Variants in GRHL1 observed in about 807,000 individuals in gnomAD.
The protein encoded by GRHL1 is grainyhead-like protein 1 homolog.
Under a neutral mutation model 75.7 loss-of-function variants are expected in GRHL1, and 38 were observed. The observed-to-expected ratio is 0.50, with a 90% CI of 0.39 to 0.66. The LOEUF is 0.66. Ranked by LOEUF, GRHL1 falls within the 30% of genes least tolerant of loss-of-function variation. The pLI is 0.00. For missense variants in GRHL1, 589 were observed against 767.5 expected, an observed-to-expected ratio of 0.77 and a Z score of 2.75; for synonymous variants, 266 against 279.4, an observed-to-expected ratio of 0.95 and a Z score of 0.48.
chr2:9,962,505 G>A lies in GRHL1; in HGVS notation c.720G>A (p.Glu240=), dbSNP rs745763540. Reference sequence around the variant, plus strand: ...TGCGGATGCCTGGCATGAATTCAGAGGACTATGTTTTTGACAGTGTTTCTG... The same window carrying A: ...TGCGGATGCCTGGCATGAATTCAGAAGACTATGTTTTTGACAGTGTTTCTG... ...LSLRMPGMNS[E]DYVFDSVSGN... The change falls in exon 5 of 16, where the codon GAG becomes GAA. Residue 240 remains glutamate (E), a synonymous_variant. Transcript: ENST00000324907. 1 of 1,597,088 alleles carries A rather than the reference G, an allele frequency of 6.3e-7. No individual in the cohort carries two copies. Among genetic ancestry groups the A allele is most frequent in the Non-Finnish European group, 8.6e-7 (1 of 1,164,542 alleles).
intron 8 of GRHL1, among the ~76,000 whole-genome samples, chr2:9,971,333 G>A (rs565787039): frequency 7.2e-5 from 11 of 152,240 alleles, no homozygotes; most frequent in African/African-American, 1.2e-4. Context: ...AGGAAGGAGC[G>A]GGGAGAGAAG....
chr2:9,983,453 A>G (rs1668283285), intron 8 of GRHL1, among the ~76,000 whole-genome samples: 1 of 152,204 alleles, frequency 6.6e-6, no homozygotes, highest in Admixed American at 6.5e-5. Flanking sequence ...AATGCACACC[A>G]GCATGGGCAA....
In GRHL1 at chr2:9,998,424, ATGTG is replaced by A. The variant is rs373392159; in HGVS notation, c.1678-519_1678-516del. On this transcript the variant is annotated intron_variant, in intron 14 of 15. Transcript: ENST00000324907. Reference sequence around the variant, plus strand: ...AAAACAAAAAGTCGAGTGACTATGCATGTGTGTGTGTGTGTGTGTGTGTGTATAT... The same window carrying A: ...AAAACAAAAAGTCGAGTGACTATGCATGTGTGTGTGTGTGTGTGTGTATAT... Among the ~76,000 whole-genome samples the A allele has an allele frequency of 8.7e-5, 3 of 34,450 alleles. 1 individual carries two copies. Among genetic ancestry groups the A allele is most frequent in the Admixed American group, 7.4e-4 (2 of 2,698 alleles). The allele number at this position is 34,450 out of a possible 152,430, so 22.6% of individuals were successfully genotyped here. A position where few individuals can be genotyped will look rare whatever the true frequency, so the allele number is the denominator to read the frequency against.
Position 9,958,899 on chromosome 2 carries a change from T to C in GRHL1, c.278+43T>C. On this transcript the variant is annotated intron_variant, in intron 3 of 15. Coordinates refer to ENST00000324907, the MANE Select transcript of GRHL1 (RefSeq NM_198182.3). ...ACAGCATAAAGAGTGCAGGGGGAAA[T>C]GCCACGTTTCTGTAACAGCAAAATG... The C allele has an allele frequency of 3.7e-6, 6 of 1,600,608 alleles. No individual in the cohort carries two copies. The South Asian group carries it at 6.8e-5, about 18-fold the overall frequency.
At chr2:9,954,642 G>A (rs1666932888) in intron 1 of GRHL1, among the ~76,000 whole-genome samples, 1 of 152,152 alleles carries the variant, frequency 6.6e-6, no homozygotes. Flanking sequence ...TCTCGGGGAT[G>A]GTTTTGTTTC....
chr2:9,999,280 C>T (rs1270159884), intron 15 of GRHL1, among the ~76,000 whole-genome samples: 1 of 152,212 alleles, frequency 6.6e-6, no homozygotes, highest in East Asian at 1.9e-4. Context: ...TACGAAATTA[C>T]TTAGATAAAA....
chr2:9,997,620 G>C (rs1668924535), intron 14 of GRHL1, among the ~76,000 whole-genome samples: 1 of 151,942 alleles, frequency 6.6e-6, no homozygotes, highest in Admixed American at 6.6e-5. Context: ...TCAGGAGTTC[G>C]AGACCAGCCT....
At chr2:9,995,547 T>C (rs1171102176) in intron 12 of GRHL1, among the ~76,000 whole-genome samples, 1 of 148,836 alleles carries the variant, frequency 6.7e-6, no homozygotes, top group African/African-American at 2.5e-5. Context: ...ATTGCACCAC[T>C]GCACTCCAGC....
chr2:9,962,611 G>GCCTGCTAAAGCCACCTTT, intron 5 of GRHL1, 80 bp downstream of exon 5: 1 of 838,502 alleles, frequency 1.2e-6, no homozygotes, highest in Non-Finnish European at 2.0e-6. Context: ...ATAAATCAAA[G>GCCTGCTAAAGCCACCTTT]GTGGCTTTAG....
intron 10 of GRHL1, among the ~76,000 whole-genome samples, chr2:9,991,523 C>G (rs1238980071): frequency 7.2e-6 from 1 of 138,326 alleles, no homozygotes; most frequent in Non-Finnish European, 1.5e-5. Flanking sequence ...AAGATGGAGT[C>G]TCTAACTTAC....
intron 2 of GRHL1, among the ~76,000 whole-genome samples, chr2:9,958,464 A>G (rs1378083903): frequency 6.6e-6 from 1 of 151,544 alleles, no homozygotes; most frequent in East Asian, 1.9e-4. Flanking sequence ...TACAGACATG[A>G]GCCACCAGCT....
At chr2:9,977,097 T>A (rs1343050490) in intron 8 of GRHL1, among the ~76,000 whole-genome samples, 6 of 152,200 alleles carry the variant, frequency 3.9e-5, no homozygotes, top group Non-Finnish European at 8.8e-5. Flanking sequence ...CTACTAGAGG[T>A]TGGAAGAAAA....
In GRHL1 at chr2:9,977,810, C is replaced by G. The variant is rs543142239; in HGVS notation, c.1111-8314C>G. Among the ~76,000 whole-genome samples the G allele has an allele frequency of 7.0e-4, 106 of 152,258 alleles. 3 individuals carry two copies. In the South Asian group the frequency reaches 0.01, roughly 15 times the overall value. ...AGAGTATAGAGAAGTGGCCATTTCC[C>G]TAAAGAATCTCATAGTCTGGTGTAT... On this transcript the variant is annotated intron_variant, in intron 8 of 15. Coordinates refer to ENST00000324907, the MANE Select transcript of GRHL1 (RefSeq NM_198182.3).
intron 14 of GRHL1, among the ~76,000 whole-genome samples, chr2:9,998,623 CACATAT>C (rs1322925981): frequency 2.9e-5 from 1 of 34,466 alleles, no homozygotes; most frequent in Admixed American, 3.5e-4. Context: ...TATATATGTA[CACATAT>C]ACATATATAT....
chr2:9,994,678 G>A (rs752796285), intron 12 of GRHL1, among the ~76,000 whole-genome samples: 7 of 152,054 alleles, frequency 4.6e-5, no homozygotes, highest in African/African-American at 9.7e-5. Flanking sequence ...GCAGAGTCTC[G>A]GAGGCTCAGC....
At position 9,967,776 on chromosome 2, in the gene GRHL1, C is replaced by T. The variant is rs142699264; in HGVS notation, c.1110+2395C>T. Among the ~76,000 whole-genome samples the T allele has an allele frequency of 8.8e-4, 134 of 151,992 alleles. 3 individuals are homozygous for T. In the East Asian group the frequency reaches 0.023, roughly 26 times the overall value. On this transcript the variant is annotated intron_variant, in intron 8 of 15. Transcript: ENST00000324907. ...CAGCAAGAGTGAACAAGTGTACATGCAGAATCCTGTATAGTTGGTTTTTTT... is the reference window on the plus strand; with the variant it reads ...CAGCAAGAGTGAACAAGTGTACATGTAGAATCCTGTATAGTTGGTTTTTTT...
chr2:9,999,141 G>A (rs564892513), intron 15 of GRHL1, 112 bp downstream of exon 15: 5 of 352,534 alleles, frequency 1.4e-5, no homozygotes, highest in East Asian at 1.0e-4. Context: ...GTAACACACC[G>A]TGCATGCTAG....
intron 8 of GRHL1, among the ~76,000 whole-genome samples, chr2:9,982,603 C>T (rs1305245737): frequency 6.6e-6 from 1 of 152,206 alleles, no homozygotes; most frequent in Non-Finnish European, 1.5e-5. Flanking sequence ...TGTTAACCTC[C>T]CGCTTCACTC....
At chr2:9,993,106 G>A in intron 11 of GRHL1, 101 bp from the exon 12 acceptor site, 1 of 904,974 alleles carries the variant, frequency 1.1e-6, no homozygotes. Context: ...TTTTATATTA[G>A]ATTGGTGAAA....
Sources: allele counts gnomAD v4.1 joint callset (sites outside exome capture counted in the v4.1 genomes callset), GRCh38; gene constraint gnomAD v4.1.1; transcripts MANE v1.5; gene names NCBI Gene and HGNC (gene_info 2026-07-23, HGNC 2026-07-21).